The following SMARCB1 variants were observed in gnomAD, a reference collection of about 807,000 sequenced individuals.
The protein encoded by SMARCB1 is SWI/SNF related BAF chromatin remodeling complex subunit B1.
SMARCB1 carries 5 observed loss-of-function variants against 49.0 expected under a neutral mutation model. The observed-to-expected ratio is 0.10, with a 90% confidence interval of 0.05 to 0.21. SMARCB1 has a LOEUF of 0.21. Among genes scored for constraint, SMARCB1 ranks in the 10% least tolerant of loss-of-function variants. SMARCB1 has a pLI of 1.00. For missense variants in SMARCB1, 226 were observed against 509.2 expected, an observed-to-expected ratio of 0.44 and a Z score of 5.35; for synonymous variants, 201 against 200.1, an observed-to-expected ratio of 1.00 and a Z score of -0.04.
chr22:23,792,180 A>C, intron 2 of SMARCB1: 3 of 431,690 alleles, frequency 6.9e-6, no homozygotes, highest in Non-Finnish European at 1.3e-5. Flanking sequence ...AAAACGTTTT[A>C]GGAATGCTGC....
chr22:23,833,083 C>A (rs958611268), intron 7 of SMARCB1, among the ~76,000 whole-genome samples: 3 of 152,166 alleles, frequency 2.0e-5, no homozygotes, highest in South Asian at 2.1e-4. Context: ...TGCAGTGGCC[C>A]TCAGTAGTGG....
chr22:23,821,479 G>C (rs9612464), intron 6 of SMARCB1, among the ~76,000 whole-genome samples: 34,628 of 151,744 alleles, frequency 0.23, 5,717 homozygotes, highest in African/African-American at 0.47. Flanking sequence ...AAGTTATCCT[G>C]CCATCTTGGC....
chr22:23,793,740 T>C (rs774308228), intron 3 of SMARCB1, 52 bp downstream of exon 3: 1 of 1,586,124 alleles, frequency 6.3e-7, no homozygotes, highest in Non-Finnish European at 8.7e-7. Flanking sequence ...GGGTCTTTTC[T>C]GAGACTCAAG....
Position 23,803,427 on chromosome 22 carries a change from A to G in SMARCB1, c.628+5A>G, listed in dbSNP as rs1298640170. 2.5e-6 allele frequency: 4 copies of G among 1,613,948 alleles called. No homozygotes were observed. In the Admixed American group the frequency reaches 6.7e-5, roughly 27 times the overall value. ...CCTTCACCTGGAACATGAATGGTACAAGGCAGTCGGGCTTGGCTGGGCCTG... is the reference window on the plus strand; with the variant it reads ...CCTTCACCTGGAACATGAATGGTACGAGGCAGTCGGGCTTGGCTGGGCCTG... On this transcript the variant is annotated splice_donor_5th_base_variant and intron_variant, in intron 5 of 8. Coordinates refer to ENST00000644036, the MANE Select transcript of SMARCB1 (RefSeq NM_003073.5).
At chr22:23,804,280 T>C (rs557415870) in intron 5 of SMARCB1, 2 of 152,158 alleles carry the variant, frequency 1.3e-5, no homozygotes, top group South Asian at 4.2e-4. Context: ...CATAGCTCAC[T>C]GTAATCTTGA....
In SMARCB1 at chr22:23,834,319, A is replaced by G. The variant is rs2054768382; in HGVS notation, c.*139A>G. ...GGGTGGGGGTGGAGTGGGGGCTTCC[A>G]GGTGGCCCTTCCCGGCACACATTCC... On this transcript the variant is annotated 3_prime_UTR_variant, in exon 9 of 9. Transcript: ENST00000644036. 1 of 926,624 alleles carries G rather than the reference A, an allele frequency of 1.1e-6. No individual in the cohort carries two copies. Among genetic ancestry groups the G allele is most frequent in the Non-Finnish European group, 1.7e-6 (1 of 589,606 alleles). 57.4% of individuals were successfully genotyped at this position (926,624 alleles called of 1,614,324 possible).
At position 23,834,880 on chromosome 22, in the gene SMARCB1, G is replaced by A. The variant is rs780411547; in HGVS notation, c.*700G>A. On this transcript the variant is annotated 3_prime_UTR_variant, in exon 9 of 9. Transcript: ENST00000644036. The stretch of plus-strand genomic sequence containing the variant: ...GTCCCTGGGCCGCCCTGGCTCTGCT[G>A]TGTCCAGATGGTCAGGCTACTGCCA... 6.2e-7 allele frequency: 1 copy of A among 1,612,536 alleles called. No individual in the cohort carries two copies. The highest frequency in any genetic ancestry group is 8.5e-7 in the Non-Finnish European group (1 of 1,179,792).
chr22:23,787,319 C>T (rs1928056621), intron 1 of SMARCB1, 57 bp downstream of exon 1: 6 of 1,093,506 alleles, frequency 5.5e-6, no homozygotes, highest in South Asian at 5.2e-5. Flanking sequence ...AGCCCCGGGG[C>T]GGGCCCATGC....
chr22:23,797,564 C>A (rs1487077403), intron 3 of SMARCB1, among the ~76,000 whole-genome samples: 2 of 149,096 alleles, frequency 1.3e-5, no homozygotes, highest in African/African-American at 5.0e-5. Context: ...CCCACCTCGG[C>A]CTCCCAAAGT....
At chr22:23,816,614 T>G in intron 5 of SMARCB1, 156 bp from the exon 6 acceptor site, 1 of 744,358 alleles carries the variant, frequency 1.3e-6, no homozygotes, top group Non-Finnish European at 2.4e-6. Context: ...GCTTCCTCCT[T>G]CCACTCCCAG....
At chr22:23,790,486 A>C (rs1430414460) in intron 1 of SMARCB1, among the ~76,000 whole-genome samples, 1 of 152,182 alleles carries the variant, frequency 6.6e-6, no homozygotes, top group African/African-American at 2.4e-5. Context: ...ACTTGAACCC[A>C]GGAGTTTAAG....
intron 5 of SMARCB1, among the ~76,000 whole-genome samples, chr22:23,810,732 A>G (rs955605925): frequency 3.9e-5 from 6 of 152,100 alleles, no homozygotes; most frequent in African/African-American, 1.4e-4. Context: ...GTATGTAGAA[A>G]GATTTAAGGC....
chr22:23,792,235 C>T (rs898429957), intron 2 of SMARCB1: 4 of 366,126 alleles, frequency 1.1e-5, no homozygotes, highest in African/African-American at 2.1e-5. Flanking sequence ...AATCATCTTC[C>T]ATGCAGCCCA....
At chr22:23,810,093 A>T (rs1319677724) in intron 5 of SMARCB1, among the ~76,000 whole-genome samples, 2 of 150,580 alleles carry the variant, frequency 1.3e-5, no homozygotes, top group Non-Finnish European at 3.0e-5. Context: ...TATCACTTGA[A>T]CCCGGGAGGC....
intron 6 of SMARCB1, among the ~76,000 whole-genome samples, chr22:23,819,933 T>A (rs1459876394): frequency 6.6e-6 from 1 of 152,072 alleles, no homozygotes; most frequent in Non-Finnish European, 1.5e-5. Context: ...TTCAAGCGAT[T>A]TTCCTGCTTC....
At chr22:23,825,539 G>A (rs2030338764) in intron 7 of SMARCB1, 124 bp downstream of exon 7, 2 of 858,694 alleles carry the variant, frequency 2.3e-6, no homozygotes, top group South Asian at 1.6e-5. Context: ...ATCTGGCTGG[G>A]GTCTGTGTGT....
chr22:23,824,740 C>G (rs2030283970), intron 6 of SMARCB1: 1 of 195,570 alleles, frequency 5.1e-6, no homozygotes, highest in Admixed American at 5.3e-5. Flanking sequence ...ACCGTGTTGA[C>G]CCAGAGTGGG....
rs575259988 is a variant in SMARCB1 at position 23,836,509 on chromosome 22, G to C, written c.*2329G>C. On this transcript the variant is annotated 3_prime_UTR_variant, in exon 9 of 9. Coordinates refer to ENST00000644036, the MANE Select transcript of SMARCB1 (RefSeq NM_003073.5). Reference sequence around the variant, plus strand: ...CTTGCCCAAGGCCCTGGTGGGGCCAGGATGAGAACCCTGAGCCTGTCACCT... The same window carrying C: ...CTTGCCCAAGGCCCTGGTGGGGCCACGATGAGAACCCTGAGCCTGTCACCT... 9.8e-7 allele frequency: 1 copy of C among 1,019,572 alleles called. No homozygotes were observed. The highest frequency in any genetic ancestry group is 1.7e-5 in the African/African-American group (1 of 58,318). 63.2% of individuals were successfully genotyped at this position (1,019,572 alleles called of 1,614,324 possible).
In SMARCB1 at chr22:23,787,057, G is replaced by T; in HGVS notation, c.-113G>T. 3 of 708,016 alleles carry T rather than the reference G, an allele frequency of 4.2e-6. No individual in the cohort carries two copies. Among genetic ancestry groups the T allele is most frequent in the Non-Finnish European group, 7.3e-6 (3 of 408,848 alleles). The allele number at this position is 708,016 out of a possible 1,614,324, so 43.9% of individuals were successfully genotyped here. A position where few individuals can be genotyped will look rare whatever the true frequency, so the allele number is the denominator to read the frequency against. On this transcript the variant is annotated 5_prime_UTR_variant, in exon 1 of 9. Transcript: ENST00000644036. ...GGCTGAGGCGCCAGTACCCGGCCCG[G>T]TCCGCATTTCGCCTTCCGGCTTCGG... is the stretch of plus-strand genomic sequence containing the variant.
Sources: allele counts gnomAD v4.1 joint callset (sites outside exome capture counted in the v4.1 genomes callset), GRCh38; gene constraint gnomAD v4.1.1; transcripts MANE v1.5; gene names NCBI Gene and HGNC (gene_info 2026-07-23, HGNC 2026-07-21).